BAIAP2L1: variants seen among roughly 807,000 people sequenced by gnomAD.
BAIAP2L1 encodes BAR/IMD domain containing adaptor protein 2 like 1.
In BAIAP2L1, 35 loss-of-function variants were observed where a neutral mutation model predicts 66.3. The observed-to-expected ratio is 0.53, with a 90% CI of 0.40 to 0.70. The LOEUF is 0.70. BAIAP2L1 is among the 30% of genes least tolerant of loss of function. The probability of loss-of-function intolerance (pLI) is 0.00; values close to 1 mark genes in which losing one functional copy is unlikely to be tolerated. For synonymous variants in BAIAP2L1, 269 were observed against 248.7 expected (o/e 1.08, Z -0.77); for missense variants, 622 against 656.9 (o/e 0.95, Z 0.58).
rs568254343 is a variant in BAIAP2L1, at chr7:98,393,111, G to A, written c.51+7691C>T. Among the ~76,000 whole-genome samples, 42 of 80,826 alleles carry A rather than the reference G, an allele frequency of 5.2e-4. 11 individuals carry two copies. Among genetic ancestry groups the A allele is most frequent in the African/African-American group, 2.0e-3 (42 of 21,044 alleles). 53.0% of individuals were successfully genotyped at this position (80,826 alleles called of 152,430 possible). A position where few individuals can be genotyped will look rare whatever the true frequency, so the allele number is the denominator to read the frequency against. On this transcript the variant is annotated intron_variant, in intron 1 of 13. Coordinates refer to ENST00000005260, the MANE Select transcript of BAIAP2L1 (RefSeq NM_018842.5). ...TATACATATATACGTGTACATATAT[G>A]TACACATATATGTATATATACACAC... is the stretch of plus-strand genomic sequence containing the variant.
chr7:98,358,823 CGTA>C (rs925915416), intron 2 of BAIAP2L1, among the ~76,000 whole-genome samples: 33 of 152,238 alleles, frequency 2.2e-4, no homozygotes, highest in African/African-American at 7.9e-4. Flanking sequence ...CCCCAGAGCC[CGTA>C]GTAGATTTTT....
intron 3 of BAIAP2L1, among the ~76,000 whole-genome samples, chr7:98,349,604 G>A (rs1801954478): frequency 6.6e-6 from 1 of 152,074 alleles, no homozygotes; most frequent in African/African-American, 2.4e-5. Flanking sequence ...TGGGTGCAGT[G>A]GTTCACACCT....
At chr7:98,294,976 G>C (rs1800125670) in intron 12 of BAIAP2L1, among the ~76,000 whole-genome samples, 2 of 152,198 alleles carry the variant, frequency 1.3e-5, no homozygotes, top group East Asian at 1.9e-4. Flanking sequence ...CCTGCACACA[G>C]GGAGTGGAGT....
At chr7:98,348,300 C>T (rs1007535833) in intron 3 of BAIAP2L1, among the ~76,000 whole-genome samples, 1 of 152,112 alleles carries the variant, frequency 6.6e-6, no homozygotes, top group Admixed American at 6.6e-5. Context: ...GGCGCAGTGG[C>T]TCACATCTGT....
At chr7:98,307,990 A>C in intron 9 of BAIAP2L1, 94 bp from the exon 10 acceptor site, 46 of 1,213,006 alleles carry the variant, frequency 3.8e-5, no homozygotes, top group Non-Finnish European at 5.0e-5. Context: ...ACCTGTTCTC[A>C]TCTTGCCAAC....
intron 3 of BAIAP2L1, among the ~76,000 whole-genome samples, chr7:98,347,255 G>A (rs992846645): frequency 6.6e-6 from 1 of 152,130 alleles, no homozygotes; most frequent in Admixed American, 6.6e-5. Flanking sequence ...TGTTTCTAAT[G>A]CTTTAAAGTG....
At chr7:98,366,477 C>T (rs574399374) in intron 1 of BAIAP2L1, among the ~76,000 whole-genome samples, 58 of 152,280 alleles carry the variant, frequency 3.8e-4, no homozygotes, top group African/African-American at 1.4e-3. Context: ...ACTCCTTTCC[C>T]CAGGTTCTTC....
chr7:98,377,360 T>G (rs1408296325), intron 1 of BAIAP2L1, among the ~76,000 whole-genome samples: 1 of 152,140 alleles, frequency 6.6e-6, no homozygotes, highest in African/African-American at 2.4e-5. Flanking sequence ...TGTGACATAT[T>G]TCTCCATTTT....
chr7:98,310,327 C>G, intron 9 of BAIAP2L1, 118 bp downstream of exon 9: 2 of 1,157,614 alleles, frequency 1.7e-6, no homozygotes. Flanking sequence ...ATGTATCTAC[C>G]ATACCTGCTT....
intron 3 of BAIAP2L1, among the ~76,000 whole-genome samples, chr7:98,344,673 C>A (rs190747577): frequency 6.6e-6 from 1 of 152,154 alleles, no homozygotes. Context: ...TTGTGGCTCA[C>A]GCCTGTAATC....
intron 12 of BAIAP2L1, among the ~76,000 whole-genome samples, chr7:98,297,968 C>T (rs1432424425): frequency 1.3e-5 from 2 of 152,236 alleles, no homozygotes; most frequent in Non-Finnish European, 2.9e-5. Context: ...CAGTGGCTCA[C>T]GCCTGTAATC....
chr7:98,292,262 G>A lies in BAIAP2L1; in HGVS notation c.*1259C>T, dbSNP rs534623081. 27 of 263,042 alleles carry A rather than the reference G, an allele frequency of 1.0e-4. No individual in the cohort carries two copies. The highest frequency in any genetic ancestry group is 4.3e-4 in the African/African-American group (19 of 44,658). 16.3% of individuals were successfully genotyped at this position (263,042 alleles called of 1,614,324 possible). On this transcript the variant is annotated 3_prime_UTR_variant, in exon 14 of 14. Coordinates refer to ENST00000005260, the MANE Select transcript of BAIAP2L1 (RefSeq NM_018842.5). ...GCACCCAGCAACACACACGGTGAGC[G>A]GCCGGGCTGGAGTGCAGCAGCATGA...
chr7:98,377,461 C>A (rs1279121811), intron 1 of BAIAP2L1, among the ~76,000 whole-genome samples: 1 of 152,136 alleles, frequency 6.6e-6, no homozygotes, highest in Non-Finnish European at 1.5e-5. Flanking sequence ...ATGTTCTCCC[C>A]AACACTTGGT....
At chr7:98,312,027 C>T in intron 8 of BAIAP2L1, 70 bp downstream of exon 8, 1 of 1,477,694 alleles carries the variant, frequency 6.8e-7, no homozygotes, top group South Asian at 1.4e-5. Context: ...CCCACCAACA[C>T]AGGCAAATTT....
At chr7:98,400,754 C>T (rs1023079817) in intron 1 of BAIAP2L1, 48 bp downstream of exon 1, 2 of 1,543,840 alleles carry the variant, frequency 1.3e-6, no homozygotes, top group Non-Finnish European at 1.8e-6. Context: ...CTTCTGAACC[C>T]CGAGGTGGAA....
chr7:98,308,432 G>A (rs1183683349), intron 9 of BAIAP2L1: 2 of 373,938 alleles, frequency 5.3e-6, no homozygotes, highest in Non-Finnish European at 1.1e-5. Flanking sequence ...TCCTCACCAG[G>A]TGCCAGTCAC....
chr7:98,366,611 A>T (rs575220067), intron 1 of BAIAP2L1, among the ~76,000 whole-genome samples: 1 of 152,188 alleles, frequency 6.6e-6, no homozygotes, highest in South Asian at 2.1e-4. Context: ...TATTGTTTTT[A>T]ATTCCTTTGC....
intron 3 of BAIAP2L1, among the ~76,000 whole-genome samples, chr7:98,335,984 T>C (rs1392264962): frequency 2.0e-5 from 3 of 152,214 alleles, no homozygotes; most frequent in African/African-American, 4.8e-5. Flanking sequence ...AGGGAAATCA[T>C]GTCCTTTGCA....
Position 98,394,157 on chromosome 7 carries a change from G to A in BAIAP2L1, c.51+6645C>T, listed in dbSNP as rs373905636. Reference sequence around the variant, plus strand: ...ACTCGGGAGGCTGAGACAGGAGAATGGCATGAACCCAGGAGGCGGAGCTTG... The same window carrying A: ...ACTCGGGAGGCTGAGACAGGAGAATAGCATGAACCCAGGAGGCGGAGCTTG... On this transcript the variant is annotated intron_variant, in intron 1 of 13. Transcript: ENST00000005260. 1.4e-3 allele frequency among the ~76,000 whole-genome samples: 217 copies of A among 152,126 alleles called. 1 individual carries two copies. Among genetic ancestry groups the A allele is most frequent in the African/African-American group, 5.0e-3 (206 of 41,516 alleles).
Sources: allele counts gnomAD v4.1 joint callset (sites outside exome capture counted in the v4.1 genomes callset), GRCh38; gene constraint gnomAD v4.1.1; transcripts MANE v1.5; gene names NCBI Gene and HGNC (gene_info 2026-07-23, HGNC 2026-07-21).